Variants in BACE2 observed in about 807,000 individuals in gnomAD.
BACE2 encodes 56 kDa aspartic-like protease.
A neutral mutation model predicts 46.2 loss-of-function variants in BACE2; 17 were observed. That is an observed-to-expected ratio of 0.37 (90% CI 0.25 to 0.55). The LOEUF is 0.55. BACE2 is among the 20% of genes least tolerant of loss of function. The pLI, the probability that BACE2 is intolerant of heterozygous loss-of-function variation, is 0.82. For synonymous variants in BACE2, 277 were observed against 295.9 expected (o/e 0.94, Z 0.66); for missense variants, 595 against 698.1 (o/e 0.85, Z 1.66).
At chr21:41,238,956 A>T (rs1235505407) in intron 3 of BACE2, among the ~76,000 whole-genome samples, 11 of 4,368 alleles carry the variant, frequency 2.5e-3, no homozygotes, top group East Asian at 0.015. Context: ...AGTATAATTA[A>T]AAAAAAAAAA....
chr21:41,179,705 C>T lies in BACE2; in HGVS notation c.312+11130C>T, dbSNP rs906146736. On this transcript the variant is annotated intron_variant, in intron 1 of 8. Coordinates refer to ENST00000330333, the MANE Select transcript of BACE2 (RefSeq NM_012105.5). ...CAAAGAATGTGAAAACATTGTGCTT[C>T]CCTGCTTACAGGCAATTAAAAAGGA... 19 of 1,269,806 alleles carry T rather than the reference C, an allele frequency of 1.5e-5. No homozygotes were observed. The African/African-American group carries it at 1.8e-4, about 12-fold the overall frequency. The allele number at this position is 1,269,806 out of a possible 1,614,324, so 78.7% of individuals were successfully genotyped here.
Position 41,257,167 on chromosome 21 carries a change from C to G in BACE2, c.1144C>G (p.Gln382Glu). The G allele has an allele frequency of 6.2e-7, 1 of 1,614,186 alleles. No homozygotes were observed. The highest frequency in any genetic ancestry group is 8.5e-7 in the Non-Finnish European group (1 of 1,180,028). The change falls in exon 8 of 9, where the codon CAG becomes GAG. Residue 382 changes from glutamine to glutamate, a missense_variant. Around this residue, in one of 3 missense-constraint regions of BACE2, gnomAD observed 343 missense variants for 419.4 expected, o/e 0.82. Transcript: ENST00000330333. The stretch of plus-strand genomic sequence containing the variant: ...CCTCTCCGACAAACAGCTTTACATT[C>G]AGCCCATGATGGGGGCCGGCCTGAA... ...RITILPQLYI[Q>E]PMMGAGLNYE...
intron 1 of BACE2, among the ~76,000 whole-genome samples, chr21:41,213,599 C>A (rs2123551302): frequency 6.6e-6 from 1 of 152,136 alleles, no homozygotes; most frequent in Non-Finnish European, 1.5e-5. Context: ...ATGGTGAAAC[C>A]CCGTCTCTAC....
chr21:41,177,809 T>G (rs577423104), intron 1 of BACE2: 41 of 152,362 alleles, frequency 2.7e-4, no homozygotes, highest in African/African-American at 7.7e-4. Flanking sequence ...AATCTGGGTC[T>G]GTATCTTGAA....
chr21:41,189,000 C>G (rs1259198863), intron 1 of BACE2, among the ~76,000 whole-genome samples: 2 of 152,214 alleles, frequency 1.3e-5, no homozygotes, highest in Non-Finnish European at 2.9e-5. Context: ...TGTGGCCAGG[C>G]AGCATCTTCT....
chr21:41,245,419 T>G (rs1182673530), intron 5 of BACE2, among the ~76,000 whole-genome samples: 8 of 152,188 alleles, frequency 5.3e-5, no homozygotes, highest in Admixed American at 5.2e-4. Flanking sequence ...ACATTGCAGG[T>G]GAGGACAGGG....
intron 1 of BACE2, chr21:41,225,646 G>A (rs1349258383): frequency 6.6e-6 from 1 of 152,438 alleles, no homozygotes; most frequent in Non-Finnish European, 1.5e-5. Context: ...CTTTTGAGGT[G>A]AATAGAAGTT....
At chr21:41,227,240 G>A (rs753020376) in intron 2 of BACE2, among the ~76,000 whole-genome samples, 7 of 152,180 alleles carry the variant, frequency 4.6e-5, no homozygotes, top group East Asian at 3.8e-4. Context: ...TAAATTCAAC[G>A]GACAGAACAG....
chr21:41,260,596 C>T (rs907823579), intron 8 of BACE2, among the ~76,000 whole-genome samples: 12 of 152,218 alleles, frequency 7.9e-5, no homozygotes. Flanking sequence ...CTGCTTCCCT[C>T]ACCATTTGGA....
chr21:41,205,199 A>T (rs963418209), intron 1 of BACE2, among the ~76,000 whole-genome samples: 1 of 152,230 alleles, frequency 6.6e-6, no homozygotes. Context: ...TCAGGTGAGT[A>T]CTAGGATTTG....
intron 1 of BACE2, chr21:41,184,875 T>A (rs373938886): frequency 6.0e-6 from 1 of 167,130 alleles, no homozygotes; most frequent in East Asian, 1.9e-4. Context: ...CTCTTCCCAT[T>A]TTCCTTCTCT....
At chr21:41,233,367 A>G (rs968633967) in intron 2 of BACE2, among the ~76,000 whole-genome samples, 1 of 148,116 alleles carries the variant, frequency 6.8e-6, no homozygotes, top group Non-Finnish European at 1.5e-5. Flanking sequence ...GAAATAAATA[A>G]CTTGGCCCTG....
chr21:41,239,985 C>T (rs1236211097), intron 3 of BACE2, among the ~76,000 whole-genome samples: 1 of 152,266 alleles, frequency 6.6e-6, no homozygotes, highest in Non-Finnish European at 1.5e-5. Context: ...TGAGAACAGA[C>T]CCCTTCGGGG....
Position 41,229,428 on chromosome 21 carries a change from A to G in BACE2, c.401+3074A>G, listed in dbSNP as rs535003525. Among the ~76,000 whole-genome samples the G allele has an allele frequency of 2.6e-5, 4 of 152,380 alleles. No homozygotes were observed. The East Asian group carries it at 5.8e-4, about 22-fold the overall frequency. ...TGACTTTCCAGATTTAAAGGGAACC[A>G]TGCAAGTCAAGCCCTGTGGATGGCT... On this transcript the variant is annotated intron_variant, in intron 2 of 8. Coordinates refer to ENST00000330333, the MANE Select transcript of BACE2 (RefSeq NM_012105.5).
chr21:41,211,409 G>T (rs1398818266), intron 1 of BACE2, among the ~76,000 whole-genome samples: 1 of 151,544 alleles, frequency 6.6e-6, no homozygotes, highest in Non-Finnish European at 1.5e-5. Context: ...CTTTGAAAAT[G>T]ATTCCCCCCT....
At chr21:41,259,824 T>C (rs1270004803) in intron 8 of BACE2, among the ~76,000 whole-genome samples, 1 of 152,078 alleles carries the variant, frequency 6.6e-6, no homozygotes, top group Admixed American at 6.6e-5. Context: ...TTTTTTTCTT[T>C]TTTTATTTTA....
At chr21:41,180,446 C>G (rs540278781) in intron 1 of BACE2, 29 of 168,058 alleles carry the variant, frequency 1.7e-4, no homozygotes, top group African/African-American at 7.0e-4. Flanking sequence ...CTGCCTGGCA[C>G]TGGAGGAGTA....
At chr21:41,234,863 C>T (rs905416994) in intron 2 of BACE2, among the ~76,000 whole-genome samples, 3 of 152,184 alleles carry the variant, frequency 2.0e-5, no homozygotes, top group Admixed American at 6.5e-5. Flanking sequence ...GCTCTAAGGA[C>T]CCTCTGTGGT....
rs1375384267 is a variant in BACE2, at chr21:41,250,239, A to C, written c.985-513A>C. Among the ~76,000 whole-genome samples the C allele has an allele frequency of 2.0e-5, 3 of 152,146 alleles. No homozygotes were observed. The South Asian group carries it at 6.2e-4, about 31-fold the overall frequency. On this transcript the variant is annotated intron_variant, in intron 6 of 8. Coordinates refer to ENST00000330333, the MANE Select transcript of BACE2 (RefSeq NM_012105.5). Reference sequence around the variant, plus strand: ...TGGCATCTGACCTGGGATCTGGAGGAGGAGAAAAATGTCCCAAAAGAGCAG... The same window carrying C: ...TGGCATCTGACCTGGGATCTGGAGGCGGAGAAAAATGTCCCAAAAGAGCAG...
Sources: gnomAD v4.1 joint callset for allele counts (sites outside exome capture counted in the v4.1 genomes callset) on GRCh38, gnomAD v4.1.1 for gene constraint, gnomAD v4.1.1 regional missense constraint, MANE v1.5 for transcripts, NCBI Gene and HGNC (gene_info 2026-07-23, HGNC 2026-07-21) for gene names.